Variants in PAPPA2 observed in about 807,000 individuals in gnomAD.
PAPPA2 encodes the protein pappalysin-2.
PAPPA2 carries 86 observed loss-of-function variants against 176.4 expected under a neutral mutation model. The ratio of observed to expected loss-of-function variants is 0.49; its 90% CI spans 0.41 to 0.58. The LOEUF is 0.58. PAPPA2 is among the 20% of genes least tolerant of loss of function. The pLI is 0.00. For synonymous variants in PAPPA2, 809 were observed against 852.2 expected (o/e 0.95, Z 0.88); for missense variants, 2,073 against 2,256.9 (o/e 0.92, Z 1.65).
At chr1:176,787,844 T>C (rs934668169) in intron 17 of PAPPA2, among the ~76,000 whole-genome samples, 3 of 152,016 alleles carry the variant, frequency 2.0e-5, no homozygotes, top group Admixed American at 2.0e-4. Context: ...GTGGATCACC[T>C]GAGGTTGGGA....
chr1:176,824,068 A>G (rs528919023), intron 21 of PAPPA2, among the ~76,000 whole-genome samples: 4 of 152,238 alleles, frequency 2.6e-5, no homozygotes, highest in Non-Finnish European at 5.9e-5. Flanking sequence ...AGTTAAAGAT[A>G]AAGTAAACAG....
At chr1:176,503,686 T>C (rs1427689166) in intron 1 of PAPPA2, among the ~76,000 whole-genome samples, 1 of 152,174 alleles carries the variant, frequency 6.6e-6, no homozygotes, top group Admixed American at 6.6e-5. Flanking sequence ...ATAGCTCCAA[T>C]ATTGTGAAGT....
intron 1 of PAPPA2, among the ~76,000 whole-genome samples, chr1:176,540,482 T>C (rs1044331468): frequency 6.6e-6 from 1 of 152,256 alleles, no homozygotes; most frequent in African/African-American, 2.4e-5. Flanking sequence ...TCTTACAATT[T>C]ATACACTCTG....
At chr1:176,631,013 G>C (rs1656306238) in intron 3 of PAPPA2, among the ~76,000 whole-genome samples, 1 of 152,182 alleles carries the variant, frequency 6.6e-6, no homozygotes, top group African/African-American at 2.4e-5. Flanking sequence ...GGGAAAGCCT[G>C]TAGAATCTGA....
intron 1 of PAPPA2, among the ~76,000 whole-genome samples, chr1:176,546,215 C>A (rs1429474347): frequency 6.6e-6 from 1 of 152,120 alleles, no homozygotes; most frequent in Non-Finnish European, 1.5e-5. Context: ...CCTGTAATGC[C>A]CCTTGCTGAA....
At chr1:176,661,562 G>A (rs987266544) in intron 3 of PAPPA2, among the ~76,000 whole-genome samples, 2 of 150,214 alleles carry the variant, frequency 1.3e-5, no homozygotes, top group African/African-American at 4.9e-5. Flanking sequence ...AGCAAAGAGG[G>A]TTTGCCCCGT....
At chr1:176,710,820 T>C (rs1247945482) in intron 11 of PAPPA2, among the ~76,000 whole-genome samples, 1 of 152,138 alleles carries the variant, frequency 6.6e-6, no homozygotes, top group Non-Finnish European at 1.5e-5. Context: ...GAAGACATCT[T>C]TGAAGAGATT....
At chr1:176,697,941 T>C (rs1005521214) in intron 7 of PAPPA2, among the ~76,000 whole-genome samples, 6 of 152,144 alleles carry the variant, frequency 3.9e-5, no homozygotes, top group African/African-American at 1.4e-4. Context: ...AATAAATGAA[T>C]CAACACACAA....
chr1:176,794,221 G>A (rs568101184), intron 20 of PAPPA2, among the ~76,000 whole-genome samples: 6 of 152,210 alleles, frequency 3.9e-5, no homozygotes, highest in East Asian at 3.9e-4. Context: ...AAAACATATC[G>A]AAGTAGCAAC....
At position 176,692,115 on chromosome 1, in the gene PAPPA2, T is replaced by C; in HGVS notation, c.2432-11T>C. 6.3e-7 allele frequency: 1 copy of C among 1,598,954 alleles called. No homozygotes were observed. The highest frequency in any genetic ancestry group is 8.6e-7 in the Non-Finnish European group (1 of 1,168,820). On this transcript the variant is annotated splice_polypyrimidine_tract_variant and intron_variant, in intron 5 of 22. Coordinates refer to ENST00000367662, the MANE Select transcript of PAPPA2 (RefSeq NM_020318.3). The stretch of plus-strand genomic sequence containing the variant: ...TCTCCATCTCTTGTGCCACCTTTTT[T>C]GTCTCCACAGATGATAACTGCACTG...
intron 1 of PAPPA2, among the ~76,000 whole-genome samples, chr1:176,500,793 A>T (rs1647913775): frequency 1.3e-5 from 2 of 151,416 alleles, no homozygotes; most frequent in South Asian, 2.1e-4. Flanking sequence ...ATGTGATAAC[A>T]TAAATCTAAA....
intron 14 of PAPPA2, among the ~76,000 whole-genome samples, chr1:176,746,046 T>A (rs1436220049): frequency 6.6e-6 from 1 of 152,164 alleles, no homozygotes; most frequent in African/African-American, 2.4e-5. Context: ...CTGGGACATG[T>A]GGAGTGTCCC....
At position 176,559,138 on chromosome 1, in the gene PAPPA2, A is replaced by G. The variant is rs1454776965; in HGVS notation, c.919+1897A>G. Among the ~76,000 whole-genome samples, 3 of 152,062 alleles carry G rather than the reference A, an allele frequency of 2.0e-5. No homozygotes were observed. The South Asian group carries it at 6.2e-4, about 32-fold the overall frequency. ...GCCTCCAACCCCTGCCAACACTGCC[A>G]CAGCACACACTCAGATCCTTCTCTA... On this transcript the variant is annotated intron_variant, in intron 2 of 22. Coordinates refer to ENST00000367662, the MANE Select transcript of PAPPA2 (RefSeq NM_020318.3).
chr1:176,688,015 G>C (rs1252070246), intron 4 of PAPPA2, among the ~76,000 whole-genome samples: 1 of 152,112 alleles, frequency 6.6e-6, no homozygotes, highest in Non-Finnish European at 1.5e-5. Flanking sequence ...TTTTTTAAAA[G>C]TATTACCCAG....
intron 15 of PAPPA2, among the ~76,000 whole-genome samples, chr1:176,766,540 T>A (rs937819312): frequency 6.6e-6 from 1 of 152,240 alleles, no homozygotes; most frequent in African/African-American, 2.4e-5. Context: ...TCACATTTTT[T>A]AAATGATTAG....
chr1:176,561,442 C>T (rs1651666515), intron 2 of PAPPA2, among the ~76,000 whole-genome samples: 1 of 152,108 alleles, frequency 6.6e-6, no homozygotes, highest in Non-Finnish European at 1.5e-5. Flanking sequence ...ACTAACCTAT[C>T]ATTTTTCCTT....
chr1:176,716,339 G>A (rs1017778000), intron 12 of PAPPA2, among the ~76,000 whole-genome samples: 5 of 149,558 alleles, frequency 3.3e-5, no homozygotes, highest in South Asian at 2.1e-4. Context: ...TCTGCCTCTC[G>A]GGTTCAAGCG....
chr1:176,636,296 T>C (rs1216848017), intron 3 of PAPPA2, among the ~76,000 whole-genome samples: 1 of 152,176 alleles, frequency 6.6e-6, no homozygotes, highest in East Asian at 1.9e-4. Context: ...AGACTGAGGC[T>C]TGAGAGTCTA....
intron 2 of PAPPA2, among the ~76,000 whole-genome samples, chr1:176,591,628 G>A (rs10913211): frequency 0.16 from 24,741 of 152,112 alleles, 2,099 homozygotes; most frequent in Middle Eastern, 0.23. Flanking sequence ...AGATAGTATT[G>A]CTTTGTAAAT....
Sources: allele counts gnomAD v4.1 joint callset (sites outside exome capture counted in the v4.1 genomes callset), GRCh38; gene constraint gnomAD v4.1.1; transcripts MANE v1.5; gene names NCBI Gene and HGNC (gene_info 2026-07-23, HGNC 2026-07-21).